Variants in RPA4 observed in about 807,000 individuals in gnomAD.
RPA4 encodes replication protein A4.
For synonymous variants in RPA4, 88 were observed against 84.4 expected (o/e 1.04, Z -0.23); for missense variants, 229 against 215.5 (o/e 1.06, Z -0.39).
In RPA4 at chrX:96,885,213, T is replaced by C; in HGVS notation, c.*117T>C. 2 of 598,622 alleles carry C rather than the reference T, an allele frequency of 3.3e-6. No homozygotes were observed. Among genetic ancestry groups the C allele is most frequent in the South Asian group, 3.1e-5 (1 of 32,505 alleles). The allele number at this position is 598,622 out of a possible 1,213,427, so 49.3% of individuals were successfully genotyped here. A position where few individuals can be genotyped will look rare whatever the true frequency, so the allele number is the denominator to read the frequency against. ...AAAAAAAATCTCAAGTGGCATTCTTTGTCAACTCGCTGCTTTTCTAACTGC... is the reference window on the plus strand; with the variant it reads ...AAAAAAAATCTCAAGTGGCATTCTTCGTCAACTCGCTGCTTTTCTAACTGC... On this transcript the variant is annotated 3_prime_UTR_variant, in exon 1 of 1. Transcript: ENST00000373040.
Position 96,884,964 on chromosome X carries a change from G to C in RPA4, c.654G>C (p.Lys218Asn), listed in dbSNP as rs781437665. 115 of 1,209,006 alleles carry C rather than the reference G, an allele frequency of 9.5e-5. No homozygotes were observed. The highest frequency in any genetic ancestry group is 1.3e-4 in the Non-Finnish European group (113 of 895,001). The change falls in exon 1 of 1, where the codon AAG (lysine) becomes AAC (asparagine). Residue 218 changes from lysine to asparagine, a missense_variant. Transcript: ENST00000373040. ...LIHECPHQEG[K>N]SIHELRAQLC... The stretch of plus-strand genomic sequence containing the variant: ...ATGAGTGTCCTCATCAGGAAGGGAA[G>C]AGCATCCATGAGCTCCGGGCTCAGC...
In RPA4 at chrX:96,884,836, A is replaced by G; in HGVS notation, c.526A>G (p.Thr176Ala). Residue 176 changes from threonine to alanine, a missense_variant, in exon 1 of 1, where the codon ACT becomes GCT. Physicochemically the swap from Thr to Ala is moderately conservative, Grantham distance 58. Coordinates refer to ENST00000373040, the MANE Select transcript of RPA4 (RefSeq NM_013347.4). ...GCTGGATAAAGCCCGTCGTGATACCACTGTAGAAAGTGTGCCTGTGTCTCC... is the reference window on the plus strand; with the variant it reads ...GCTGGATAAAGCCCGTCGTGATACCGCTGTAGAAAGTGTGCCTGTGTCTCC... ...MMLDKARRDTTVESVPVSPSE... is the reference protein window; with the variant it reads ...MMLDKARRDTAVESVPVSPSE... 8.3e-7 allele frequency: 1 copy of G among 1,211,271 alleles called. No homozygotes were observed. Among genetic ancestry groups the G allele is most frequent in the South Asian group, 1.8e-5 (1 of 56,931 alleles).
At position 96,884,297 on chromosome X, in the gene RPA4, G is replaced by A. The variant is rs1369498408; in HGVS notation, c.-14G>A. On this transcript the variant is annotated 5_prime_UTR_variant, in exon 1 of 1. Coordinates refer to ENST00000373040, the MANE Select transcript of RPA4 (RefSeq NM_013347.4). Reference sequence around the variant, plus strand: ...CCAAAGCCCACCTTCTCCTCAGCCTGAGCTGTCTTGAAGATGAGTAAGAGT... The same window carrying A: ...CCAAAGCCCACCTTCTCCTCAGCCTAAGCTGTCTTGAAGATGAGTAAGAGT... The A allele has an allele frequency of 3.3e-6, 4 of 1,198,567 alleles. No homozygotes were observed. The highest frequency in any genetic ancestry group is 4.5e-6 in the Non-Finnish European group (4 of 889,375).
chrX:96,884,669 C>T lies in RPA4; in HGVS notation c.359C>T (p.Ser120Leu), dbSNP rs1335565795. The stretch of plus-strand genomic sequence containing the variant: ...AAAGTCAAGCAGGTGACTCCATTGT[C>T]AGTCGGAGTATATGTCAAAGTGTTT... The part of the protein sequence containing the change: ...REKVKQVTPL[S>L]VGVYVKVFGI... Residue 120 changes from serine (S) to leucine (L), a missense_variant, in exon 1 of 1, where the codon TCA becomes TTA. Physicochemically the swap from Ser to Leu is moderately radical, Grantham distance 145. Transcript: ENST00000373040. 9.9e-6 allele frequency: 12 copies of T among 1,210,240 alleles called. No individual in the cohort carries two copies. The highest frequency in any genetic ancestry group is 1.8e-5 in the South Asian group (1 of 56,882).
Position 96,885,208 on chromosome X carries a change from T to C in RPA4, c.*112T>C. 1 of 634,945 alleles carries C rather than the reference T, an allele frequency of 1.6e-6. No individual in the cohort carries two copies. The highest frequency in any genetic ancestry group is 2.4e-6 in the Non-Finnish European group (1 of 414,824). 52.3% of individuals were successfully genotyped at this position (634,945 alleles called of 1,213,427 possible). A position where few individuals can be genotyped will look rare whatever the true frequency, so the allele number is the denominator to read the frequency against. ...CTAAAAAAAAAAATCTCAAGTGGCA[T>C]TCTTTGTCAACTCGCTGCTTTTCTA... On this transcript the variant is annotated 3_prime_UTR_variant, in exon 1 of 1. Coordinates refer to ENST00000373040, the MANE Select transcript of RPA4 (RefSeq NM_013347.4).
chrX:96,884,215 G>A lies in RPA4; in HGVS notation c.-96G>A. On this transcript the variant is annotated 5_prime_UTR_variant, in exon 1 of 1. Coordinates refer to ENST00000373040, the MANE Select transcript of RPA4 (RefSeq NM_013347.4). The stretch of plus-strand genomic sequence containing the variant: ...TTTCGGACAGCTCGAAGCCTTCTGT[G>A]GAGAGCTCGAAGCCTTCTGTGGAGA... 1 of 713,208 alleles carries A rather than the reference G, an allele frequency of 1.4e-6. No individual in the cohort carries two copies. The highest frequency in any genetic ancestry group is 2.0e-6 in the Non-Finnish European group (1 of 488,315). The allele number at this position is 713,208 out of a possible 1,213,427, so 58.8% of individuals were successfully genotyped here. A position where few individuals can be genotyped will look rare whatever the true frequency, so the allele number is the denominator to read the frequency against.
chrX:96,884,497 G>T lies in RPA4; in HGVS notation c.187G>T (p.Val63Leu), dbSNP rs2065243927. Residue 63 changes from valine to leucine, a missense_variant, in exon 1 of 1, where the codon GTG becomes TTG. Physicochemically the swap from Val to Leu is conservative, Grantham distance 32. Coordinates refer to ENST00000373040, the MANE Select transcript of RPA4 (RefSeq NM_013347.4). Reference sequence around the variant, plus strand: ...TCTCAGCTCTACTGTGTTTGACCCTGTGTTCAAGGTTAGGGGAATTATAGT... The same window carrying T: ...TCTCAGCTCTACTGTGTTTGACCCTTTGTTCAAGGTTAGGGGAATTATAGT... ...QLLSSTVFDP[V>L]FKVRGIIVSQ... 1.2e-5 allele frequency: 14 copies of T among 1,208,843 alleles called. No individual in the cohort carries two copies. The highest frequency in any genetic ancestry group is 1.5e-5 in the Non-Finnish European group (13 of 894,845).
rs766456237 is a variant in RPA4 at position 96,884,699 on chromosome X, T to C, written c.389T>C (p.Ile130Thr). The change falls in exon 1 of 1, where the codon ATC (isoleucine) becomes ACC (threonine). Residue 130 changes from isoleucine (I) to threonine (T), a missense_variant. Ile to Thr is a moderately conservative substitution (Grantham distance 89, BLOSUM62 -1). Transcript: ENST00000373040. ...GGAGTATATGTCAAAGTGTTTGGTATCCTCAAATGTCCCACGGGAACAAAG... is the reference window on the plus strand; with the variant it reads ...GGAGTATATGTCAAAGTGTTTGGTACCCTCAAATGTCCCACGGGAACAAAG... The part of the protein sequence containing the change: ...SVGVYVKVFG[I>T]LKCPTGTKSL... 8.3e-7 allele frequency: 1 copy of C among 1,210,823 alleles called. No individual in the cohort carries two copies. Among genetic ancestry groups the C allele is most frequent in the East Asian group, 3.0e-5 (1 of 33,787 alleles).
chrX:96,884,850 G>T lies in RPA4; in HGVS notation c.540G>T (p.Val180=). 1 of 1,211,241 alleles carries T rather than the reference G, an allele frequency of 8.3e-7. No homozygotes were observed. Residue 180 remains valine (V), a synonymous_variant, in exon 1 of 1, where the codon GTG becomes GTT. Coordinates refer to ENST00000373040, the MANE Select transcript of RPA4 (RefSeq NM_013347.4). ...KARRDTTVES[V]PVSPSEVNDA... is the part of the protein sequence containing the mutation. ...GTCGTGATACCACTGTAGAAAGTGT[G>T]CCTGTGTCTCCATCAGAAGTGAATG...
At position 96,885,354 on chromosome X, in the gene RPA4, A is replaced by C. The variant is rs1184416555; in HGVS notation, c.*258A>C. ...TGGAAACATGATTTTCGGGGAAGAAAAACTACAGAAAATGTAGAAATTTAT... is the reference window on the plus strand; with the variant it reads ...TGGAAACATGATTTTCGGGGAAGAACAACTACAGAAAATGTAGAAATTTAT... On this transcript the variant is annotated 3_prime_UTR_variant, in exon 1 of 1. Coordinates refer to ENST00000373040, the MANE Select transcript of RPA4 (RefSeq NM_013347.4). The C allele has an allele frequency of 1.5e-5, 4 of 265,997 alleles. No individual in the cohort carries two copies. Among genetic ancestry groups the C allele is most frequent in the Non-Finnish European group, 2.7e-5 (4 of 145,605 alleles). The allele number at this position is 265,997 out of a possible 1,213,427, so 21.9% of individuals were successfully genotyped here.
In RPA4 at chrX:96,884,631, G is replaced by T. The variant is rs1328940634; in HGVS notation, c.321G>T (p.Trp107Cys). ...CGAAACCAATCGAGGCCCGACAGTG[G>T]TTTGGTAGAGAGAAAGTCAAGCAGG... ...MTAKPIEARQ[W>C]FGREKVKQVT... is the part of the protein sequence containing the mutation. The change falls in exon 1 of 1, where the codon TGG (tryptophan) becomes TGT (cysteine). Residue 107 changes from tryptophan to cysteine, a missense_variant. Transcript: ENST00000373040. The T allele has an allele frequency of 2.5e-6, 3 of 1,210,703 alleles. No individual in the cohort carries two copies. Among genetic ancestry groups the T allele is most frequent in the Non-Finnish European group, 3.4e-6 (3 of 895,175 alleles).
In RPA4 at chrX:96,884,781, T is replaced by C; in HGVS notation, c.471T>C (p.His157=). The C allele has an allele frequency of 8.3e-7, 1 of 1,210,764 alleles. No individual in the cohort carries two copies. Among genetic ancestry groups the C allele is most frequent in the Non-Finnish European group, 1.1e-6 (1 of 895,079 alleles). The change falls in exon 1 of 1, where the codon CAT becomes CAC. Residue 157 remains histidine, a synonymous_variant. Coordinates refer to ENST00000373040, the MANE Select transcript of RPA4 (RefSeq NM_013347.4). ...VLEDMNEFTV[H]ILETVNAHMM... is the part of the protein sequence containing the mutation. Reference sequence around the variant, plus strand: ...AGGACATGAACGAGTTCACCGTGCATATTCTGGAAACGGTCAATGCACACA... The same window carrying C: ...AGGACATGAACGAGTTCACCGTGCACATTCTGGAAACGGTCAATGCACACA...
At position 96,884,268 on chromosome X, in the gene RPA4, C is replaced by G. The variant is rs768443110; in HGVS notation, c.-43C>G. On this transcript the variant is annotated 5_prime_UTR_variant, in exon 1 of 1. Transcript: ENST00000373040. ...TCAAAGCCGTCCGTGGAGCCCCAGA[C>G]GAGCCAAAGCCCACCTTCTCCTCAG... The G allele has an allele frequency of 2.0e-5, 23 of 1,148,736 alleles. No individual in the cohort carries two copies. The African/African-American group carries it at 4.1e-4, about 21-fold the overall frequency. 94.7% of individuals were successfully genotyped at this position (1,148,736 alleles called of 1,213,427 possible).
At position 96,884,115 on chromosome X, in the gene RPA4, A is replaced by G. The variant is rs763700947; in HGVS notation, c.-196A>G. 1 of 413,398 alleles carries G rather than the reference A, an allele frequency of 2.4e-6. No homozygotes were observed. Among genetic ancestry groups the G allele is most frequent in the African/African-American group, 2.5e-5 (1 of 39,929 alleles). 34.1% of individuals were successfully genotyped at this position (413,398 alleles called of 1,213,427 possible). A position where few individuals can be genotyped will look rare whatever the true frequency, so the allele number is the denominator to read the frequency against. ...ACCCTGACTGGCTGGAAGCAGATGC[A>G]TTCTGGTAGTTGATTGGTCCACAGG... On this transcript the variant is annotated 5_prime_UTR_variant, in exon 1 of 1. Coordinates refer to ENST00000373040, the MANE Select transcript of RPA4 (RefSeq NM_013347.4).
At position 96,884,202 on chromosome X, in the gene RPA4, C is replaced by G. The variant is rs755849336; in HGVS notation, c.-109C>G. On this transcript the variant is annotated 5_prime_UTR_variant, in exon 1 of 1. Coordinates refer to ENST00000373040, the MANE Select transcript of RPA4 (RefSeq NM_013347.4). ...TTCAATCGTAGCCTTTCGGACAGCT[C>G]GAAGCCTTCTGTGGAGAGCTCGAAG... 3.2e-6 allele frequency: 2 copies of G among 622,494 alleles called. No individual in the cohort carries two copies. Among genetic ancestry groups the G allele is most frequent in the Non-Finnish European group, 4.8e-6 (2 of 412,463 alleles). 51.3% of individuals were successfully genotyped at this position (622,494 alleles called of 1,213,427 possible).
chrX:96,884,001 C>A lies in RPA4; in HGVS notation c.-310C>A. The stretch of plus-strand genomic sequence containing the variant: ...TAGATAGGCGCTTTGACCAGCTAAG[C>A]AACAGGGCTCCCCTCGTGTGGGACT... On this transcript the variant is annotated 5_prime_UTR_variant, in exon 1 of 1. Coordinates refer to ENST00000373040, the MANE Select transcript of RPA4 (RefSeq NM_013347.4). 1 of 218,630 alleles carries A rather than the reference C, an allele frequency of 4.6e-6. No individual in the cohort carries two copies. Among genetic ancestry groups the A allele is most frequent in the Non-Finnish European group, 8.2e-6 (1 of 121,605 alleles). 18.0% of individuals were successfully genotyped at this position (218,630 alleles called of 1,213,427 possible).
In RPA4 at chrX:96,885,039, C is replaced by T. The variant is rs1168150584; in HGVS notation, c.729C>T (p.Thr243=). Residue 243 remains threonine (T), a synonymous_variant, in exon 1 of 1, where the codon ACC becomes ACT. Coordinates refer to ENST00000373040, the MANE Select transcript of RPA4 (RefSeq NM_013347.4). ...TCAAGGAAGCGATTGATTATCTGAC[C>T]GTTGAGGGCCACATCTATCCCACTG... ...KAIKEAIDYL[T]VEGHIYPTVD... 2 of 1,208,678 alleles carry T rather than the reference C, an allele frequency of 1.7e-6. No homozygotes were observed. Among genetic ancestry groups the T allele is most frequent in the African/African-American group, 3.5e-5 (2 of 56,797 alleles).
Position 96,884,525 on chromosome X carries a change from C to T in RPA4, c.215C>T (p.Ser72Phe), listed in dbSNP as rs2065244219. The change falls in exon 1 of 1, where the codon TCC becomes TTC. Residue 72 changes from serine to phenylalanine, a missense_variant. Coordinates refer to ENST00000373040, the MANE Select transcript of RPA4 (RefSeq NM_013347.4). ...TTCAAGGTTAGGGGAATTATAGTTT[C>T]CCAGGTCTCCATCGTGGGGGTAATC... ...PVFKVRGIIV[S>F]QVSIVGVIRG... The T allele has an allele frequency of 5.8e-6, 7 of 1,208,259 alleles. No individual in the cohort carries two copies. The Admixed American group carries it at 6.6e-5, about 11-fold the overall frequency.
In RPA4 at chrX:96,884,784, T is replaced by C; in HGVS notation, c.474T>C (p.Ile158=). The change falls in exon 1 of 1, where the codon ATT becomes ATC. Residue 158 remains isoleucine, a synonymous_variant. Transcript: ENST00000373040. ...LEDMNEFTVH[I]LETVNAHMML... ...ACATGAACGAGTTCACCGTGCATAT[T>C]CTGGAAACGGTCAATGCACACATGA... 8.3e-7 allele frequency: 1 copy of C among 1,210,946 alleles called. No homozygotes were observed.
Sources: allele counts gnomAD v4.1 joint callset, GRCh38; gene constraint gnomAD v4.1.1; transcripts MANE v1.5; gene names NCBI Gene and HGNC (gene_info 2026-07-23, HGNC 2026-07-21).